Variants in ADCY2 observed in about 807,000 individuals in gnomAD.
ADCY2 encodes the protein adenylate cyclase 2.
A neutral mutation model predicts 125.2 loss-of-function variants in ADCY2; 31 were observed. The observed-to-expected ratio is 0.25, with a 90% CI of 0.19 to 0.33. The LOEUF is 0.33. Among genes scored for constraint, ADCY2 ranks in the 10% least tolerant of loss-of-function variants. The pLI, the probability that ADCY2 is intolerant of heterozygous loss-of-function variation, is 1.00. For missense variants in ADCY2, 904 were observed against 1,418.2 expected, an observed-to-expected ratio of 0.64 and a Z score of 5.82; for synonymous variants, 512 against 548.4, an observed-to-expected ratio of 0.93 and a Z score of 0.93.
chr5:7,647,282 A>G (rs573570085), intron 4 of ADCY2, among the ~76,000 whole-genome samples: 29 of 152,342 alleles, frequency 1.9e-4, no homozygotes, highest in Middle Eastern at 3.4e-3. Flanking sequence ...ACATGTAAGT[A>G]ATGATAATAT....
At chr5:7,820,507 A>T in intron 23 of ADCY2, 58 bp from the exon 24 acceptor site, 2 of 1,596,488 alleles carry the variant, frequency 1.3e-6, no homozygotes, top group Non-Finnish European at 1.7e-6. Flanking sequence ...AAATAAAAAA[A>T]ATAAAAAGAC....
chr5:7,582,699 C>T (rs1252316502), intron 3 of ADCY2, among the ~76,000 whole-genome samples: 1 of 152,034 alleles, frequency 6.6e-6, no homozygotes, highest in African/African-American at 2.4e-5. Context: ...GATTAAAACA[C>T]TCAGTAGTTT....
intron 3 of ADCY2, among the ~76,000 whole-genome samples, chr5:7,540,154 A>C (rs887485373): frequency 2.0e-5 from 3 of 152,210 alleles, no homozygotes; most frequent in Non-Finnish European, 2.9e-5. Flanking sequence ...ACATAGAGGG[A>C]AACAACACAC....
At chr5:7,481,297 C>G (rs1189065448) in intron 2 of ADCY2, among the ~76,000 whole-genome samples, 1 of 152,168 alleles carries the variant, frequency 6.6e-6, no homozygotes, top group African/African-American at 2.4e-5. Flanking sequence ...GACAGAGTCT[C>G]CCTCTGTCAC....
intron 3 of ADCY2, among the ~76,000 whole-genome samples, chr5:7,521,991 A>T (rs549117226): frequency 2.2e-4 from 33 of 152,288 alleles, no homozygotes; most frequent in Non-Finnish European, 3.4e-4. Flanking sequence ...ACTAAGAAGC[A>T]TCCACTCCCA....
intron 4 of ADCY2, among the ~76,000 whole-genome samples, chr5:7,689,504 G>C (rs1278656433): frequency 6.6e-6 from 1 of 152,140 alleles, no homozygotes; most frequent in Admixed American, 6.5e-5. Flanking sequence ...GTTTTCTGTT[G>C]CCTTTGCCCT....
intron 6 of ADCY2, 48 bp downstream of exon 6, chr5:7,695,911 G>A (rs781423182): frequency 1.5e-6 from 2 of 1,376,596 alleles, no homozygotes; most frequent in South Asian, 2.6e-5. Context: ...TAAACTCTTG[G>A]TTTCGTTTTT....
At chr5:7,416,471 C>T (rs923603174) in intron 2 of ADCY2, among the ~76,000 whole-genome samples, 3 of 152,144 alleles carry the variant, frequency 2.0e-5, no homozygotes, top group Admixed American at 6.5e-5. Context: ...CTCTGTCCTT[C>T]CCCACTCAAT....
intron 14 of ADCY2, among the ~76,000 whole-genome samples, chr5:7,739,560 C>G (rs1214326481): frequency 6.6e-6 from 1 of 151,454 alleles, no homozygotes; most frequent in Non-Finnish European, 1.5e-5. Flanking sequence ...GGCATAAATA[C>G]TAAAAAGAAG....
chr5:7,683,612 A>G (rs1740411630), intron 4 of ADCY2, among the ~76,000 whole-genome samples: 1 of 152,082 alleles, frequency 6.6e-6, no homozygotes. Context: ...AGGAGCACAT[A>G]TCACTGCTGC....
At chr5:7,421,429 T>C (rs975310063) in intron 2 of ADCY2, among the ~76,000 whole-genome samples, 14 of 152,220 alleles carry the variant, frequency 9.2e-5, no homozygotes, top group Admixed American at 7.2e-4. Flanking sequence ...ACTCCATCTC[T>C]GCCTCCGTCT....
intron 1 of ADCY2, among the ~76,000 whole-genome samples, chr5:7,400,775 T>C (rs1345012836): frequency 2.6e-5 from 4 of 152,244 alleles, no homozygotes; most frequent in African/African-American, 9.6e-5. Context: ...AATCTTACTC[T>C]GCAGGTGCTT....
At chr5:7,544,705 G>A (rs931156211) in intron 3 of ADCY2, among the ~76,000 whole-genome samples, 2 of 152,200 alleles carry the variant, frequency 1.3e-5, no homozygotes, top group African/African-American at 4.8e-5. Flanking sequence ...ACATCTTGTG[G>A]GGAGATTGTT....
intron 3 of ADCY2, among the ~76,000 whole-genome samples, chr5:7,556,753 C>T (rs1482040684): frequency 6.6e-6 from 1 of 152,126 alleles, no homozygotes; most frequent in African/African-American, 2.4e-5. Flanking sequence ...ATGAAATTCT[C>T]ATAAGAGCGG....
chr5:7,589,512 AAAGAAAAG>A (rs1561112594), intron 3 of ADCY2, among the ~76,000 whole-genome samples: 48 of 71,358 alleles, frequency 6.7e-4, no homozygotes, highest in African/African-American at 1.9e-3. Context: ...GAAAGAAAGA[AAAGAAAAG>A]AAAGAGAAAG....
chr5:7,820,365 G>C lies in ADCY2; in HGVS notation c.2999-200G>C, dbSNP rs541202494. On this transcript the variant is annotated intron_variant, in intron 23 of 24. Transcript: ENST00000338316. ...AAAAATTAGCCAGGTGTGGTGGTGT[G>C]TTCCTGTAGCCCCAGCTACTTGGGA... 3.3e-5 allele frequency among the ~76,000 whole-genome samples: 5 copies of C among 152,244 alleles called. No individual in the cohort carries two copies. The South Asian group carries it at 1.0e-3, about 32-fold the overall frequency.
chr5:7,760,437 C>T (rs553646146), intron 16 of ADCY2, among the ~76,000 whole-genome samples: 1 of 152,146 alleles, frequency 6.6e-6, no homozygotes, highest in Non-Finnish European at 1.5e-5. Flanking sequence ...TACTCAGAAC[C>T]CTTGGGTGAC....
chr5:7,635,966 A>G lies in ADCY2; in HGVS notation c.720+9650A>G, dbSNP rs75473118. The stretch of plus-strand genomic sequence containing the variant: ...TCATGGGATCCTTCTTTGACCTCAC[A>G]GACAGCCTGATACCTAAGTGTTTAG... On this transcript the variant is annotated intron_variant, in intron 4 of 24. Transcript: ENST00000338316. 1.1e-3 allele frequency among the ~76,000 whole-genome samples: 160 copies of G among 152,240 alleles called. 1 individual carries two copies. The East Asian group carries it at 0.027, about 25-fold the overall frequency.
chr5:7,525,313 G>A (rs552976045), intron 3 of ADCY2, among the ~76,000 whole-genome samples: 3 of 152,164 alleles, frequency 2.0e-5, no homozygotes, highest in East Asian at 3.9e-4. Flanking sequence ...GGCCACCATC[G>A]CTATTTATTT....
Sources: allele counts gnomAD v4.1 joint callset (sites outside exome capture counted in the v4.1 genomes callset), GRCh38; gene constraint gnomAD v4.1.1; transcripts MANE v1.5; gene names NCBI Gene and HGNC (gene_info 2026-07-23, HGNC 2026-07-21).